Variants in CCDC7 observed in about 807,000 individuals in gnomAD.
CCDC7 encodes the protein coiled-coil domain containing 7, also known as coiled-coil domain-containing protein 7.
In CCDC7, 183 loss-of-function variants were observed where a neutral mutation model predicts 196.9. The ratio of observed to expected loss-of-function variants is 0.93; its 90% CI spans 0.82 to 1.05. CCDC7 has a LOEUF of 1.05. Ranked by LOEUF, CCDC7 falls within the 50% of genes least tolerant of loss-of-function variation. The pLI is 0.00. For missense variants in CCDC7, 1,540 were observed against 1,482.2 expected, an observed-to-expected ratio of 1.04 and a Z score of -0.64; for synonymous variants, 525 against 484.6, an observed-to-expected ratio of 1.08 and a Z score of -1.10.
intron 21 of CCDC7, among the ~76,000 whole-genome samples, chr10:32,673,040 A>G (rs543416641): frequency 1.3e-5 from 2 of 152,192 alleles, no homozygotes; most frequent in East Asian, 1.9e-4. Context: ...CCCCAATGCT[A>G]TTGAGGAGAC....
chr10:32,848,320 G>A (rs2093399462), intron 38 of CCDC7, among the ~76,000 whole-genome samples: 1 of 152,010 alleles, frequency 6.6e-6, no homozygotes, highest in Non-Finnish European at 1.5e-5. Flanking sequence ...GTAGACTATG[G>A]ATCAATTATA....
intron 25 of CCDC7, among the ~76,000 whole-genome samples, chr10:32,716,642 T>A (rs1422200519): frequency 6.6e-6 from 1 of 152,182 alleles, no homozygotes; most frequent in Non-Finnish European, 1.5e-5. Context: ...TGTGCTGTAT[T>A]CAGGAGATCC....
chr10:32,562,027 C>A (rs1173791402), intron 13 of CCDC7, among the ~76,000 whole-genome samples: 1 of 152,100 alleles, frequency 6.6e-6, no homozygotes, highest in Non-Finnish European at 1.5e-5. Context: ...AAACACCTCT[C>A]CGCAAATAAA....
At chr10:32,676,727 C>G (rs2075045198) in intron 21 of CCDC7, among the ~76,000 whole-genome samples, 1 of 151,942 alleles carries the variant, frequency 6.6e-6, no homozygotes, top group Non-Finnish European at 1.5e-5. Context: ...ACAACAGGTG[C>G]TGGAGAGGAT....
In CCDC7 at chr10:32,828,470, A is replaced by AG. The variant is rs1316030152; in HGVS notation, c.3268+3867dup. 8.1e-4 allele frequency among the ~76,000 whole-genome samples: 63 copies of AG among 78,040 alleles called. 1 individual carries two copies. In the Middle Eastern group the frequency reaches 0.019, roughly 23 times the overall value. 51.2% of individuals were successfully genotyped at this position (78,040 alleles called of 152,430 possible). A position where few individuals can be genotyped will look rare whatever the true frequency, so the allele number is the denominator to read the frequency against. ...AAGAAGAAGAAGAAGAAGAAGAGGA[A>AG]GAGGAAGAGGAAGAGGAAGAAGAAG... On this transcript the variant is annotated intron_variant, in intron 32 of 41. Transcript: ENST00000639629.
At chr10:32,587,091 A>G (rs758589968) in intron 18 of CCDC7, among the ~76,000 whole-genome samples, 6 of 152,208 alleles carry the variant, frequency 3.9e-5, no homozygotes, top group Non-Finnish European at 7.3e-5. Context: ...CATTTTAACC[A>G]TCTTTAAGTA....
intron 11 of CCDC7, among the ~76,000 whole-genome samples, chr10:32,526,248 T>A (rs2048655091): frequency 6.6e-6 from 1 of 152,110 alleles, no homozygotes. Context: ...GACTTAAAGC[T>A]CATGGTCTCT....
intron 11 of CCDC7, among the ~76,000 whole-genome samples, chr10:32,533,807 T>A (rs1048933866): frequency 6.6e-6 from 1 of 152,130 alleles, no homozygotes; most frequent in Non-Finnish European, 1.5e-5. Context: ...TTTGCTTCTT[T>A]TCTCTTGCTT....
intron 9 of CCDC7, chr10:32,513,035 T>C (rs1017704394): frequency 7.9e-5 from 12 of 152,188 alleles, no homozygotes; most frequent in Non-Finnish European, 1.6e-4. Flanking sequence ...CAAAAGTGTA[T>C]GCCATGTTAT....
At chr10:32,772,039 AAG>A (rs2079243245) in intron 28 of CCDC7, among the ~76,000 whole-genome samples, 1 of 152,144 alleles carries the variant, frequency 6.6e-6, no homozygotes, top group African/African-American at 2.4e-5. Flanking sequence ...TGTAGCTTTC[AAG>A]AGATTCTATC....
chr10:32,874,753 T>TACACACACAC lies in CCDC7; in HGVS notation c.4112-1572_4112-1563dup, dbSNP rs3035173. On this transcript the variant is annotated intron_variant, in intron 41 of 41. Coordinates refer to ENST00000639629, the Ensembl canonical transcript of CCDC7. ...ATATATACACACACACCAACATATC[T>TACACACACAC]ACACACACACACACACACACACACA... 3.9e-3 allele frequency among the ~76,000 whole-genome samples: 573 copies of TACACACACAC among 145,334 alleles called. 3 individuals are homozygous for TACACACACAC. The highest frequency in any genetic ancestry group is 0.011 in the South Asian group (48 of 4,484).
chr10:32,595,684 C>G (rs986139252), intron 18 of CCDC7, among the ~76,000 whole-genome samples: 1 of 152,178 alleles, frequency 6.6e-6, no homozygotes, highest in Non-Finnish European at 1.5e-5. Context: ...GCATTTAGTG[C>G]TATAAATTTT....
intron 25 of CCDC7, among the ~76,000 whole-genome samples, chr10:32,716,798 C>T (rs752166457): frequency 1.6e-4 from 24 of 152,064 alleles, no homozygotes; most frequent in Admixed American, 6.5e-4. Context: ...AAAAAGACAA[C>T]GAAGAGCATT....
chr10:32,480,073 C>T (rs2039692981), intron 8 of CCDC7, among the ~76,000 whole-genome samples: 1 of 151,858 alleles, frequency 6.6e-6, no homozygotes, highest in Admixed American at 6.6e-5. Flanking sequence ...TCCAATGTTA[C>T]TTGAGTCTTG....
At chr10:32,517,849 T>G (rs557082063) in intron 9 of CCDC7, 96 bp from the exon 11 acceptor site, 1 of 1,405,330 alleles carries the variant, frequency 7.1e-7, no homozygotes, top group East Asian at 2.6e-5. Flanking sequence ...AACTAATTAC[T>G]GAATACCAAA....
intron 13 of CCDC7, among the ~76,000 whole-genome samples, chr10:32,564,582 A>T (rs1043953006): frequency 1.3e-5 from 2 of 150,610 alleles, no homozygotes; most frequent in Non-Finnish European, 1.5e-5. Context: ...ATTCTCACTC[A>T]TAGGTGGGAA....
intron 1 of CCDC7, 128 bp downstream of exon 2, chr10:32,452,049 C>T: frequency 1.5e-6 from 2 of 1,300,576 alleles, no homozygotes; most frequent in Admixed American, 3.3e-5. Flanking sequence ...ACAGTAGGCA[C>T]ATGAGGTGAA....
At chr10:32,824,396 A>C in intron 31 of CCDC7, 122 bp from the exon 33 acceptor site, 2 of 542,768 alleles carry the variant, frequency 3.7e-6, no homozygotes, top group South Asian at 8.2e-5. Context: ...TGCAATCTGG[A>C]CACTTTATTA....
chr10:32,669,999 G>C (rs2073733335), intron 21 of CCDC7, among the ~76,000 whole-genome samples: 1 of 152,092 alleles, frequency 6.6e-6, no homozygotes, highest in South Asian at 2.1e-4. Flanking sequence ...TGAATTGGAT[G>C]ATCAAATGTC....
Sources: allele counts gnomAD v4.1 joint callset (sites outside exome capture counted in the v4.1 genomes callset), GRCh38; gene constraint gnomAD v4.1.1; transcripts MANE v1.5; gene names NCBI Gene and HGNC (gene_info 2026-07-23, HGNC 2026-07-21).